Variants in CUX1 observed in about 807,000 individuals in gnomAD.
CUX1 encodes the protein cut like homeobox 1, also known as protein CASP.
A neutral mutation model predicts 158.8 loss-of-function variants in CUX1; 31 were observed. The observed-to-expected ratio is 0.20, with a 90% CI of 0.15 to 0.26. The LOEUF (loss-of-function observed/expected upper bound fraction) is 0.26, where lower values mean the gene tolerates loss of function less well. Among genes scored for constraint, CUX1 ranks in the 10% least tolerant of loss-of-function variants. The pLI is 1.00. For missense variants in CUX1, 1,589 were observed against 2,014.6 expected, an observed-to-expected ratio of 0.79 and a Z score of 4.04; for synonymous variants, 879 against 862.1, an observed-to-expected ratio of 1.02 and a Z score of -0.34.
intron 1 of CUX1, among the ~76,000 whole-genome samples, chr7:101,831,526 A>G (rs933993590): frequency 1.9e-4 from 29 of 151,982 alleles, no homozygotes; most frequent in Non-Finnish European, 4.0e-4. Context: ...TCCTGACCTC[A>G]GGTGATCCAC....
chr7:101,841,805 C>T (rs1436920081), intron 1 of CUX1, among the ~76,000 whole-genome samples: 4 of 152,106 alleles, frequency 2.6e-5, no homozygotes, highest in Admixed American at 2.6e-4. Flanking sequence ...CATGAGCCAC[C>T]CACCTCAGCC....
chr7:102,117,275 G>C (rs1411637781), intron 8 of CUX1, among the ~76,000 whole-genome samples: 2 of 151,284 alleles, frequency 1.3e-5, no homozygotes, highest in African/African-American at 2.4e-5. Context: ...GCGTGCGCCT[G>C]TAACCCCAGC....
intron 4 of CUX1, 106 bp from the exon 5 acceptor site, chr7:102,097,258 C>A (rs910176362): frequency 1.5e-6 from 2 of 1,334,196 alleles, no homozygotes; most frequent in Non-Finnish European, 2.0e-6. Flanking sequence ...CTCTGGGGAG[C>A]CCCCGGAGCT....
intron 1 of CUX1, among the ~76,000 whole-genome samples, chr7:101,837,318 A>C (rs1221111138): frequency 6.6e-6 from 1 of 152,222 alleles, no homozygotes; most frequent in Non-Finnish European, 1.5e-5. Context: ...GTATAATTAG[A>C]AGCTGGCGTA....
At chr7:102,259,177 C>T (rs990443433), downstream of CUX1, among the ~76,000 whole-genome samples, 7 of 152,198 alleles carry the variant, frequency 4.6e-5, no homozygotes, top group Non-Finnish European at 7.3e-5. Flanking sequence ...GATGGAGACA[C>T]CCCCCAGTGC....
intron 6 of CUX1, among the ~76,000 whole-genome samples, chr7:102,106,874 C>T (rs1326689949): frequency 1.3e-5 from 2 of 152,188 alleles, no homozygotes; most frequent in African/African-American, 4.8e-5. Flanking sequence ...TCCTTTGGGG[C>T]TCGCCTGCCC....
intron 1 of CUX1, among the ~76,000 whole-genome samples, chr7:101,843,715 G>A (rs1038067442): frequency 5.9e-5 from 9 of 152,034 alleles, no homozygotes; most frequent in African/African-American, 1.4e-4. Context: ...TAGGGACCTC[G>A]TTTCCTCCCT....
chr7:102,249,951 CAT>C lies in CUX1; in HGVS notation c.*910_*911del. On this transcript the variant is annotated 3_prime_UTR_variant, in exon 24 of 24. Transcript: ENST00000292535. The stretch of plus-strand genomic sequence containing the variant: ...TTCTTGTACGTGAATAGAATCCTGA[CAT>C]GTAGTGCACATTGATGTATAGCTTT... 1.0e-6 allele frequency: 1 copy of C among 984,826 alleles called. No homozygotes were observed. The highest frequency in any genetic ancestry group is 1.2e-6 in the Non-Finnish European group (1 of 829,850). 61.0% of individuals were successfully genotyped at this position (984,826 alleles called of 1,614,324 possible).
intron 2 of CUX1, among the ~76,000 whole-genome samples, chr7:102,010,004 G>A (rs1045053571): frequency 1.3e-5 from 2 of 152,116 alleles, no homozygotes; most frequent in Non-Finnish European, 2.9e-5. Context: ...ATGAAAGAAA[G>A]GTTGCTCTGA....
chr7:101,825,785 G>GTGTGTGTC (rs1207529486), intron 1 of CUX1, among the ~76,000 whole-genome samples: 1 of 101,584 alleles, frequency 9.8e-6, no homozygotes, highest in Non-Finnish European at 2.0e-5. Flanking sequence ...GTGTGTGTGT[G>GTGTGTGTC]TGTGTGTGTG....
intron 18 of CUX1, among the ~76,000 whole-genome samples, chr7:102,278,268 G>A (rs533989074): frequency 6.6e-6 from 1 of 152,292 alleles, no homozygotes; most frequent in African/African-American, 2.4e-5. Flanking sequence ...TCACAGAGTG[G>A]AGCCCCTGTC....
At chr7:102,052,787 C>T (rs1278638169) in intron 3 of CUX1, among the ~76,000 whole-genome samples, 1 of 152,074 alleles carries the variant, frequency 6.6e-6, no homozygotes, top group Non-Finnish European at 1.5e-5. Context: ...TTCAGTTTCT[C>T]GACATCCTTT....
intron 15 of CUX1, chr7:102,274,052 C>A: frequency 1.7e-6 from 1 of 582,182 alleles, no homozygotes; most frequent in Non-Finnish European, 3.2e-6. Flanking sequence ...TGACTCAGGG[C>A]CCAGCCATCT....
At chr7:102,155,452 G>A (rs1479843552) in intron 8 of CUX1, among the ~76,000 whole-genome samples, 7 of 151,870 alleles carry the variant, frequency 4.6e-5, no homozygotes, top group South Asian at 4.1e-4. Context: ...AGGCTGAAGC[G>A]GGAGGACTGC....
intron 2 of CUX1, among the ~76,000 whole-genome samples, chr7:102,000,651 G>T (rs184923127): frequency 6.6e-6 from 1 of 152,306 alleles, no homozygotes; most frequent in Non-Finnish European, 1.5e-5. Context: ...TACCTCACCT[G>T]GTTTTGGCCT....
At chr7:102,000,098 C>T (rs1389784023) in intron 2 of CUX1, among the ~76,000 whole-genome samples, 3 of 152,150 alleles carry the variant, frequency 2.0e-5, no homozygotes, top group African/African-American at 7.2e-5. Context: ...CAACTGTAAT[C>T]CCAGTTACTC....
chr7:102,038,891 G>T (rs562840584), intron 3 of CUX1, among the ~76,000 whole-genome samples: 1 of 152,068 alleles, frequency 6.6e-6, no homozygotes, highest in African/African-American at 2.4e-5. Context: ...GGAGTTGGAG[G>T]CTTTGATAGC....
rs147934658 is a variant in CUX1 at position 102,121,902 on chromosome 7, T to C, written c.674+6629T>C. 6.7e-3 allele frequency among the ~76,000 whole-genome samples: 1,024 copies of C among 152,250 alleles called. 7 individuals are homozygous for C. The highest frequency in any genetic ancestry group is 0.024 in the African/African-American group (980 of 41,540). ...GTAATCAAGCAGCAAAGGTGAGGGC[T>C]AGTCAGGTGAAGGCAGGCGTTCCTG... On this transcript the variant is annotated intron_variant, in intron 8 of 23. Coordinates refer to ENST00000292535, the MANE Select transcript of CUX1 (RefSeq NM_181552.4).
chr7:102,030,085 C>G (rs545226607), intron 3 of CUX1, among the ~76,000 whole-genome samples: 6 of 151,576 alleles, frequency 4.0e-5, no homozygotes, highest in Non-Finnish European at 7.4e-5. Context: ...AATCTCAGCT[C>G]GCTGCAACCT....
Sources: gnomAD v4.1 joint callset for allele counts (sites outside exome capture counted in the v4.1 genomes callset) on GRCh38, gnomAD v4.1.1 for gene constraint, MANE v1.5 for transcripts, NCBI Gene and HGNC (gene_info 2026-07-23, HGNC 2026-07-21) for gene names.